AFG2A: variants seen among roughly 807,000 people sequenced by gnomAD.
AFG2A encodes the protein ATPase family gene 2 protein homolog A.
chr4:123,010,216 A>G, the AFG2A span, among the ~76,000 whole-genome samples: 1 of 152,192 alleles, frequency 6.6e-6, no homozygotes, highest in African/African-American at 2.4e-5. Context: ...CAAATGATAC[A>G]AACTCATTCA....
At chr4:122,933,660 C>T in the AFG2A span, among the ~76,000 whole-genome samples, 1 of 152,240 alleles carries the variant, frequency 6.6e-6, no homozygotes, top group Non-Finnish European at 1.5e-5. Flanking sequence ...GGATGTGCTA[C>T]TTTTCCTGGT....
the AFG2A span, chr4:123,090,806 A>G: frequency 2.0e-6 from 3 of 1,482,118 alleles, no homozygotes. Context: ...TCAGTATTTC[A>G]TTTAGAGGAT....
the AFG2A span, among the ~76,000 whole-genome samples, chr4:123,001,711 G>C: frequency 6.6e-6 from 1 of 152,094 alleles, no homozygotes; most frequent in African/African-American, 2.4e-5. Context: ...GCTGAGGAGA[G>C]CTTTACTTCC....
At chr4:122,944,076 CT>C in the AFG2A span, among the ~76,000 whole-genome samples, 1 of 152,090 alleles carries the variant, frequency 6.6e-6, no homozygotes, top group Non-Finnish European at 1.5e-5. Flanking sequence ...ACATTTTTTC[CT>C]TCATTTTAAC....
the AFG2A span, among the ~76,000 whole-genome samples, chr4:123,030,452 G>A: frequency 4.6e-5 from 7 of 151,894 alleles, no homozygotes; most frequent in African/African-American, 1.7e-4. Flanking sequence ...GTTTAACTTT[G>A]TACACTGCTA....
At chr4:123,183,075 A>G in the AFG2A span, among the ~76,000 whole-genome samples, 1 of 152,156 alleles carries the variant, frequency 6.6e-6, no homozygotes, top group Non-Finnish European at 1.5e-5. Context: ...AGAATCTTGG[A>G]GGGGGTCAGA....
the AFG2A span, among the ~76,000 whole-genome samples, chr4:123,020,393 A>G: frequency 6.7e-6 from 1 of 148,866 alleles, no homozygotes; most frequent in African/African-American, 2.5e-5. Context: ...TCTGAGACGG[A>G]CTTTCACTCT....
chr4:123,209,678 C>G, the AFG2A span, among the ~76,000 whole-genome samples: 1 of 145,762 alleles, frequency 6.9e-6, no homozygotes, highest in African/African-American at 2.5e-5. Context: ...GCCTTAAATT[C>G]CTGGGCTTAA....
chr4:123,156,503 A>G, the AFG2A span, among the ~76,000 whole-genome samples: 2 of 152,168 alleles, frequency 1.3e-5, no homozygotes, highest in African/African-American at 4.8e-5. Flanking sequence ...CAAAACATGA[A>G]ATTACAAATA....
At chr4:123,193,621 T>G in the AFG2A span, among the ~76,000 whole-genome samples, 1 of 152,220 alleles carries the variant, frequency 6.6e-6, no homozygotes, top group Admixed American at 6.5e-5. Context: ...TGTTCTCTGG[T>G]GTACAATTAC....
the AFG2A span, among the ~76,000 whole-genome samples, chr4:122,971,620 A>C: frequency 6.6e-6 from 1 of 152,228 alleles, no homozygotes; most frequent in Admixed American, 6.5e-5. Flanking sequence ...TAACAATAGT[A>C]ATCCTTATCT....
chr4:122,975,074 T>C, the AFG2A span, among the ~76,000 whole-genome samples: 1 of 152,164 alleles, frequency 6.6e-6, no homozygotes, highest in East Asian at 1.9e-4. Context: ...ATCGTCTTAG[T>C]CCAGTTTCTG....
chr4:123,179,902 A>G, the AFG2A span, among the ~76,000 whole-genome samples: 1 of 152,156 alleles, frequency 6.6e-6, no homozygotes, highest in Non-Finnish European at 1.5e-5. Context: ...TACAAAGGAA[A>G]GGGAAAGCTA....
the AFG2A span, among the ~76,000 whole-genome samples, chr4:123,107,799 G>T: frequency 6.6e-6 from 1 of 152,220 alleles, no homozygotes; most frequent in Admixed American, 6.5e-5. Flanking sequence ...GTTCAAGGTG[G>T]CTGGGGGCTG....
chr4:122,952,159 G>A, the AFG2A span, among the ~76,000 whole-genome samples: 9 of 152,284 alleles, frequency 5.9e-5, no homozygotes. Context: ...CAGAGTTGTT[G>A]TTCCATCACA....
At chr4:123,278,994 G>A in the AFG2A span, among the ~76,000 whole-genome samples, 15 of 152,096 alleles carry the variant, frequency 9.9e-5, no homozygotes, top group Non-Finnish European at 2.1e-4. Context: ...TATTTCTAAC[G>A]TAAATGGCAC....
the AFG2A span, among the ~76,000 whole-genome samples, chr4:123,238,319 G>A: frequency 6.6e-6 from 1 of 152,222 alleles, no homozygotes; most frequent in African/African-American, 2.4e-5. Context: ...TCTGAAGACA[G>A]CAGTGGTTCT....
the AFG2A span, among the ~76,000 whole-genome samples, chr4:123,307,953 A>G: frequency 1.3e-5 from 2 of 152,236 alleles, no homozygotes; most frequent in African/African-American, 4.8e-5. Flanking sequence ...GTCTGTCTAC[A>G]CAACAGTGAA....
the AFG2A span, among the ~76,000 whole-genome samples, chr4:123,010,989 A>C: frequency 6.6e-6 from 1 of 152,162 alleles, no homozygotes; most frequent in Admixed American, 6.5e-5. Context: ...GCCCATTAAG[A>C]CTGTGTTTTA....
Sources: gnomAD v4.1 joint callset for allele counts (sites outside exome capture counted in the v4.1 genomes callset) on GRCh38, gnomAD v4.1.1 for gene constraint, MANE v1.5 for transcripts, NCBI Gene and HGNC (gene_info 2026-07-23, HGNC 2026-07-21) for gene names.